Variants in STX17 observed in about 807,000 individuals in gnomAD.
STX17 encodes syntaxin-17.
Under a neutral mutation model 35.9 loss-of-function variants are expected in STX17, and 29 were observed. That is an observed-to-expected ratio of 0.81 (90% confidence interval 0.60 to 1.10). The LOEUF is 1.10. Ranked by LOEUF, STX17 falls within the 50% of genes least tolerant of loss-of-function variation. STX17 has a pLI of 0.00. For synonymous variants in STX17, 92 were observed against 118.3 expected, an observed-to-expected ratio of 0.78 and a Z score of 1.44; for missense variants, 312 against 352.3, an observed-to-expected ratio of 0.89 and a Z score of 0.92.
chr9:99,927,736 C>A (rs1829018789), intron 2 of STX17, among the ~76,000 whole-genome samples: 1 of 152,204 alleles, frequency 6.6e-6, no homozygotes, highest in Admixed American at 6.5e-5. Flanking sequence ...CCCAGCCTCC[C>A]AAAGTGCTGG....
chr9:99,919,640 T>G (rs990228547), intron 2 of STX17, among the ~76,000 whole-genome samples: 1 of 152,122 alleles, frequency 6.6e-6, no homozygotes, highest in African/African-American at 2.4e-5. Context: ...TGGAAAAGAG[T>G]AGAGATGAAT....
chr9:99,929,910 CTTTTTTTTTT>C (rs528774463), intron 3 of STX17: 4 of 118,348 alleles, frequency 3.4e-5, no homozygotes, highest in African/African-American at 1.3e-4. Context: ...TTTTTCTTTT[CTTTTTTTTTT>C]TTTTTTTTTT....
chr9:99,954,913 ATTTTGCTGTTTC>A (rs1829677281), intron 4 of STX17, among the ~76,000 whole-genome samples: 1 of 152,084 alleles, frequency 6.6e-6, no homozygotes, highest in African/African-American at 2.4e-5. Flanking sequence ...AGCTGTGATG[ATTTTGCTGTTTC>A]TTTTGTCCAG....
intron 2 of STX17, among the ~76,000 whole-genome samples, chr9:99,924,542 A>T (rs923489761): frequency 1.3e-5 from 2 of 152,122 alleles, no homozygotes; most frequent in Admixed American, 6.5e-5. Flanking sequence ...AAGCATAGTG[A>T]GTTGAGTTAC....
At chr9:99,944,341 T>C (rs994631638) in intron 3 of STX17, among the ~76,000 whole-genome samples, 1 of 152,036 alleles carries the variant, frequency 6.6e-6, no homozygotes, top group Admixed American at 6.5e-5. Flanking sequence ...TTTCTACTTT[T>C]TTTGCAATTG....
chr9:99,970,591 A>T lies in STX17; in HGVS notation c.*1918A>T, dbSNP rs1166720995. ...AGGCACATACTAAAGCAAGATTCCT[A>T]AACCTCAGTTCCAGGGGTAATTCTG... On this transcript the variant is annotated 3_prime_UTR_variant, in exon 8 of 8. Transcript: ENST00000259400. Among the ~76,000 whole-genome samples the T allele has an allele frequency of 5.9e-5, 9 of 152,330 alleles. No individual in the cohort carries two copies. The highest frequency in any genetic ancestry group is 2.2e-4 in the African/African-American group (9 of 41,558).
In STX17 at chr9:99,973,095, A is replaced by G. The variant is rs1025671402; in HGVS notation, c.*4422A>G. Among the ~76,000 whole-genome samples, 13 of 152,158 alleles carry G rather than the reference A, an allele frequency of 8.5e-5. No individual in the cohort carries two copies. Among genetic ancestry groups the G allele is most frequent in the African/African-American group, 3.1e-4 (13 of 41,446 alleles). On this transcript the variant is annotated 3_prime_UTR_variant, in exon 8 of 8. Coordinates refer to ENST00000259400, the MANE Select transcript of STX17 (RefSeq NM_017919.3). ...ACATTCATTAATTTGATGCCCTTTT[A>G]CAAAGAAACTTCTTAGGTATTATAA...
chr9:99,951,585 A>G (rs1243279658), intron 4 of STX17, among the ~76,000 whole-genome samples: 1 of 151,872 alleles, frequency 6.6e-6, no homozygotes, highest in Non-Finnish European at 1.5e-5. Context: ...TCTGCAAAGT[A>G]CTCTTTACTC....
chr9:99,951,020 A>C, intron 3 of STX17, 40 bp from the exon 4 acceptor site: 1 of 1,514,576 alleles, frequency 6.6e-7, no homozygotes. Flanking sequence ...GATATCTTAT[A>C]CTAAGAAATG....
At chr9:99,932,459 A>G (rs1829145010) in intron 3 of STX17, among the ~76,000 whole-genome samples, 4 of 152,122 alleles carry the variant, frequency 2.6e-5, no homozygotes, top group Non-Finnish European at 2.9e-5. Context: ...TGTCTCCACT[A>G]TTTGTATATT....
intron 2 of STX17, among the ~76,000 whole-genome samples, chr9:99,926,778 G>A (rs924818371): frequency 3.3e-5 from 5 of 152,182 alleles, no homozygotes; most frequent in Admixed American, 1.3e-4. Flanking sequence ...GATTACAGGC[G>A]TGAGCCACTG....
At chr9:99,942,116 A>G (rs751108176) in intron 3 of STX17, among the ~76,000 whole-genome samples, 2 of 152,222 alleles carry the variant, frequency 1.3e-5, no homozygotes, top group African/African-American at 4.8e-5. Flanking sequence ...TGGGCACCAC[A>G]TCCTTACCAA....
rs539982905 is a variant in STX17, at chr9:99,929,403, C to T, written c.189+560C>T. Among the ~76,000 whole-genome samples the T allele has an allele frequency of 4.6e-5, 7 of 151,770 alleles. No individual in the cohort carries two copies. In the South Asian group the frequency reaches 1.5e-3, roughly 31 times the overall value. On this transcript the variant is annotated intron_variant, in intron 3 of 7. Transcript: ENST00000259400. ...TAAAAATACATTTTAATTATTTTAA[C>T]ATAATTTTTAAAAATAATATATTTA...
Position 99,969,166 on chromosome 9 carries a change from C to T in STX17, c.*493C>T, listed in dbSNP as rs1001705607. 2.0e-5 allele frequency: 3 copies of T among 152,234 alleles called. No homozygotes were observed. The highest frequency in any genetic ancestry group is 7.2e-5 in the African/African-American group (3 of 41,436). 9.4% of individuals were successfully genotyped at this position (152,234 alleles called of 1,614,324 possible). A position where few individuals can be genotyped will look rare whatever the true frequency, so the allele number is the denominator to read the frequency against. ...CACAGGTCGACTACATAATGGAGTCCATTGGCGAACCCTATTGCAATTTGG... is the reference window on the plus strand; with the variant it reads ...CACAGGTCGACTACATAATGGAGTCTATTGGCGAACCCTATTGCAATTTGG... On this transcript the variant is annotated 3_prime_UTR_variant, in exon 8 of 8. Transcript: ENST00000259400.
intron 2 of STX17, among the ~76,000 whole-genome samples, chr9:99,927,744 T>C (rs1240513138): frequency 6.6e-6 from 1 of 152,236 alleles, no homozygotes; most frequent in East Asian, 1.9e-4. Flanking sequence ...CCCAAAGTGC[T>C]GGGATTATGG....
rs117464377 is a variant in STX17 at position 99,946,788 on chromosome 9, C to A, written c.190-4272C>A. On this transcript the variant is annotated intron_variant, in intron 3 of 7. Coordinates refer to ENST00000259400, the MANE Select transcript of STX17 (RefSeq NM_017919.3). ...GGTTGATAGTAATTTGCTTTCTATACTTTGAATATTTTGTTCCATTGTCTT... is the reference window on the plus strand; with the variant it reads ...GGTTGATAGTAATTTGCTTTCTATAATTTGAATATTTTGTTCCATTGTCTT... 2.8e-3 allele frequency among the ~76,000 whole-genome samples: 420 copies of A among 152,222 alleles called. 1 individual carries two copies. Among genetic ancestry groups the A allele is most frequent in the Middle Eastern group, 6.8e-3 (2 of 294 alleles).
intron 3 of STX17, among the ~76,000 whole-genome samples, chr9:99,934,689 G>T (rs1403215330): frequency 6.6e-6 from 1 of 152,132 alleles, no homozygotes; most frequent in Non-Finnish European, 1.5e-5. Flanking sequence ...AAAGAAATCA[G>T]ATTAATTATT....
chr9:99,929,001 A>G (rs1416435266), intron 3 of STX17, 158 bp downstream of exon 3: 2 of 582,400 alleles, frequency 3.4e-6, no homozygotes, highest in Non-Finnish European at 5.8e-6. Flanking sequence ...ATCACATGCC[A>G]TACATATTTT....
At chr9:99,916,173 G>A (rs562437899) in intron 2 of STX17, 9 of 428,366 alleles carry the variant, frequency 2.1e-5, no homozygotes, top group African/African-American at 1.6e-4. Context: ...AAATAGGTAA[G>A]GAGAAGATGA....
Sources: allele counts gnomAD v4.1 joint callset (sites outside exome capture counted in the v4.1 genomes callset), GRCh38; gene constraint gnomAD v4.1.1; transcripts MANE v1.5; gene names NCBI Gene and HGNC (gene_info 2026-07-23, HGNC 2026-07-21).